The following PRIM2 variants were observed in gnomAD, a reference collection of about 807,000 sequenced individuals.
PRIM2 encodes the protein DNA primase large subunit.
Under a neutral mutation model 67.3 loss-of-function variants are expected in PRIM2, and 39 were observed. The observed-to-expected ratio is 0.58, with a 90% CI of 0.45 to 0.76. The LOEUF (loss-of-function observed/expected upper bound fraction) is 0.76. PRIM2 is among the 30% of genes least tolerant of loss of function. The probability of loss-of-function intolerance (pLI) is 0.00; values close to 1 mark genes in which losing one functional copy is unlikely to be tolerated. For missense variants in PRIM2, 398 were observed against 598.7 expected (o/e 0.66, Z 3.50); for synonymous variants, 143 against 198.7 (o/e 0.72, Z 2.36).
At chr6:57,258,082 C>A in the PRIM2 span, among the ~76,000 whole-genome samples, 2 of 151,908 alleles carry the variant, frequency 1.3e-5, no homozygotes, top group South Asian at 4.2e-4. Flanking sequence ...TTTTTTCCAG[C>A]ACCATTAAAA....
intron 8 of PRIM2, among the ~76,000 whole-genome samples, chr6:57,512,129 T>G (rs1206811398): frequency 9.9e-5 from 15 of 151,976 alleles, no homozygotes; most frequent in Non-Finnish European, 2.2e-4. Context: ...GATAGTGGTA[T>G]GATGGGTGCT....
chr6:57,495,984 A>G (rs1773995918), intron 7 of PRIM2, among the ~76,000 whole-genome samples: 1 of 152,126 alleles, frequency 6.6e-6, no homozygotes, highest in Non-Finnish European at 1.5e-5. Flanking sequence ...GAGCTGAAGC[A>G]GTCCTCTTGC....
chr6:57,544,748 A>C (rs1250428824), intron 10 of PRIM2, among the ~76,000 whole-genome samples: 2 of 152,198 alleles, frequency 1.3e-5, no homozygotes, highest in African/African-American at 4.8e-5. Flanking sequence ...AACTATATAA[A>C]AGCAGGTATC....
intron 12 of PRIM2, among the ~76,000 whole-genome samples, chr6:57,625,486 G>A (rs1776933247): frequency 1.3e-5 from 2 of 152,190 alleles, no homozygotes; most frequent in African/African-American, 4.8e-5. Flanking sequence ...ACCAGAATAT[G>A]AGGATCCAGT....
the PRIM2 span, among the ~76,000 whole-genome samples, chr6:57,290,717 A>G: frequency 6.6e-6 from 1 of 152,204 alleles, no homozygotes; most frequent in Non-Finnish European, 1.5e-5. Flanking sequence ...CCACACAACT[A>G]CATGGAAACT....
chr6:57,259,076 G>A, the PRIM2 span, among the ~76,000 whole-genome samples: 2 of 152,290 alleles, frequency 1.3e-5, no homozygotes, highest in Admixed American at 1.3e-4. Context: ...TCATAAAACA[G>A]ACATGATTAT....
intron 8 of PRIM2, among the ~76,000 whole-genome samples, chr6:57,518,207 T>C (rs1262669722): frequency 6.6e-6 from 1 of 152,208 alleles, no homozygotes; most frequent in Non-Finnish European, 1.5e-5. Context: ...CTTGACTTAC[T>C]GCATACATAC....
intron 7 of PRIM2, among the ~76,000 whole-genome samples, chr6:57,478,475 G>A (rs1473305470): frequency 1.3e-5 from 2 of 151,732 alleles, no homozygotes; most frequent in African/African-American, 4.8e-5. Context: ...TGGGTAGCTG[G>A]GACTGCAGGC....
intron 13 of PRIM2, among the ~76,000 whole-genome samples, chr6:57,635,905 C>A (rs1352675614): frequency 1.3e-5 from 2 of 152,154 alleles, no homozygotes; most frequent in Admixed American, 6.6e-5. Context: ...ATTTCAGGAA[C>A]CTGCTTTTTA....
intron 7 of PRIM2, among the ~76,000 whole-genome samples, chr6:57,386,982 T>C (rs1315122096): frequency 6.6e-6 from 1 of 152,150 alleles, no homozygotes; most frequent in Non-Finnish European, 1.5e-5. Flanking sequence ...ACCATATGAC[T>C]TTTATAATAT....
the PRIM2 span, among the ~76,000 whole-genome samples, chr6:57,258,106 G>A: frequency 6.6e-6 from 1 of 152,174 alleles, no homozygotes; most frequent in East Asian, 1.9e-4. Context: ...AAGAGTAGCT[G>A]TTTTAGGAAT....
At chr6:57,222,619 A>G in the PRIM2 span, among the ~76,000 whole-genome samples, 2 of 152,234 alleles carry the variant, frequency 1.3e-5, no homozygotes, top group Non-Finnish European at 2.9e-5. Flanking sequence ...AAGTGAGCAA[A>G]AAAATGTCGA....
At chr6:57,334,629 C>A (rs1768161609) in intron 5 of PRIM2, among the ~76,000 whole-genome samples, 1 of 151,914 alleles carries the variant, frequency 6.6e-6, no homozygotes, top group African/African-American at 2.4e-5. Context: ...TGTAGCCCAC[C>A]CTGGGCTACA....
chr6:57,436,138 C>T lies in PRIM2; in HGVS notation c.693+53970C>T, dbSNP rs118112121. 1.3e-3 allele frequency among the ~76,000 whole-genome samples: 192 copies of T among 152,172 alleles called. 5 individuals carry two copies. The East Asian group carries it at 0.016, about 13-fold the overall frequency. The stretch of plus-strand genomic sequence containing the variant: ...GTTTATCTCTTCCTTGGATTCATTC[C>T]CTCCTCTTGTGTTTTAGGATGAGGA... On this transcript the variant is annotated intron_variant, in intron 7 of 13. Transcript: ENST00000615550.
chr6:57,585,515 AGTGGGGAGATT>A (rs1202668616), intron 10 of PRIM2, among the ~76,000 whole-genome samples: 1 of 152,160 alleles, frequency 6.6e-6, no homozygotes, highest in Non-Finnish European at 1.5e-5. Context: ...AAACTTAAGG[AGTGGGGAGATT>A]GTGGTTAAGC....
At position 57,379,988 on chromosome 6, in the gene PRIM2, A is replaced by C. The variant is rs759444712; in HGVS notation, c.547A>C (p.Ile183Leu). 3 of 1,554,640 alleles carry C rather than the reference A, an allele frequency of 1.9e-6. No homozygotes were observed. Among genetic ancestry groups the C allele is most frequent in the South Asian group, 2.4e-5 (2 of 84,154 alleles). The change falls in exon 6 of 14, where the codon ATT (isoleucine) becomes CTT (leucine). Residue 183 changes from isoleucine to leucine, a missense_variant. Physicochemically the swap from Ile to Leu is conservative, Grantham distance 5 (BLOSUM62 2). Transcript: ENST00000615550. ...LSGLKLGFES[I>L]YKIPFADALD... ...TGGACTTAAGTTGGGGTTCGAGTCC[A>C]TTTATAAGGTATGTAAACATGTAAA... is the stretch of plus-strand genomic sequence containing the variant.
intron 13 of PRIM2, among the ~76,000 whole-genome samples, chr6:57,641,583 A>C (rs1777234325): frequency 6.6e-6 from 1 of 152,226 alleles, no homozygotes; most frequent in Admixed American, 6.5e-5. Flanking sequence ...ATATGAACAG[A>C]CACTTCGCAA....
At chr6:57,394,516 G>A (rs981492635) in intron 7 of PRIM2, among the ~76,000 whole-genome samples, 9 of 152,206 alleles carry the variant, frequency 5.9e-5, no homozygotes, top group African/African-American at 2.2e-4. Context: ...CATTAATCTT[G>A]TATCTGGAAA....
intron 7 of PRIM2, among the ~76,000 whole-genome samples, chr6:57,406,282 T>C (rs574787954): frequency 6.6e-6 from 1 of 152,194 alleles, no homozygotes; most frequent in African/African-American, 2.4e-5. Flanking sequence ...TCTATCTTCC[T>C]GCCTGCTCCA....
Sources: gnomAD v4.1 joint callset for allele counts (sites outside exome capture counted in the v4.1 genomes callset) on GRCh38, gnomAD v4.1.1 for gene constraint, MANE v1.5 for transcripts, NCBI Gene and HGNC (gene_info 2026-07-23, HGNC 2026-07-21) for gene names.